Variants in ITGA8 observed in about 807,000 individuals in gnomAD.
ITGA8 encodes integrin subunit alpha 8.
ITGA8 carries 91 observed loss-of-function variants against 142.3 expected under a neutral mutation model. The observed-to-expected ratio is 0.64, with a 90% CI of 0.54 to 0.76. ITGA8 has a LOEUF of 0.76. Among genes scored for constraint, ITGA8 ranks in the 30% least tolerant of loss-of-function variants. The pLI, the probability that ITGA8 is intolerant of heterozygous loss-of-function variation, is 0.00. For synonymous variants in ITGA8, 505 were observed against 485.2 expected (o/e 1.04, Z -0.54); for missense variants, 1,406 against 1,327.7 (o/e 1.06, Z -0.92).
At chr10:15,574,715 T>TA (rs201400361) in intron 24 of ITGA8, among the ~76,000 whole-genome samples, 18,320 of 95,186 alleles carry the variant, frequency 0.19, 1,236 homozygotes, top group Middle Eastern at 0.23. Context: ...ATATATATAT[T>TA]TTTTTTTTAG....
chr10:15,683,907 G>A, intron 4 of ITGA8, 97 bp downstream of exon 4: 5 of 1,438,372 alleles, frequency 3.5e-6, no homozygotes, highest in Non-Finnish European at 4.8e-6. Context: ...TTGCAACCCT[G>A]TAAGTTATCA....
At position 15,693,534 on chromosome 10, in the gene ITGA8, G is replaced by A. The variant is rs367751710; in HGVS notation, c.344-5496C>T. ...CAAGTTCTGGAAATCCTCACCCAAA[G>A]TGCACATGACTAACAAAGAATTACA... On this transcript the variant is annotated intron_variant, in intron 2 of 29. Transcript: ENST00000378076. Among the ~76,000 whole-genome samples, 280 of 152,222 alleles carry A rather than the reference G, an allele frequency of 1.8e-3. 2 individuals are homozygous for A. Among genetic ancestry groups the A allele is most frequent in the African/African-American group, 6.5e-3 (272 of 41,548 alleles).
chr10:15,591,396 T>A (rs995254640), intron 22 of ITGA8, among the ~76,000 whole-genome samples: 1 of 142,944 alleles, frequency 7.0e-6, no homozygotes, highest in Admixed American at 7.3e-5. Flanking sequence ...TTTCATGAGC[T>A]GTATTAATAT....
At chr10:15,566,238 G>A (rs368261014) in intron 25 of ITGA8, among the ~76,000 whole-genome samples, 7 of 152,038 alleles carry the variant, frequency 4.6e-5, no homozygotes, top group African/African-American at 1.7e-4. Flanking sequence ...AGACATTCTC[G>A]GCGGCAACCT....
At chr10:15,642,353 C>T (rs1188598496) in intron 13 of ITGA8, among the ~76,000 whole-genome samples, 1 of 152,108 alleles carries the variant, frequency 6.6e-6, no homozygotes, top group Non-Finnish European at 1.5e-5. Context: ...TCCTCTATTT[C>T]CTTTGCCTCA....
intron 13 of ITGA8, among the ~76,000 whole-genome samples, chr10:15,633,320 A>C (rs1352238808): frequency 6.6e-6 from 1 of 152,218 alleles, no homozygotes; most frequent in Non-Finnish European, 1.5e-5. Context: ...AAAATAAAGA[A>C]GGTATGGTTA....
In ITGA8 at chr10:15,674,578, G is replaced by T. The variant is rs74601204; in HGVS notation, c.677-1829C>A. Among the ~76,000 whole-genome samples the T allele has an allele frequency of 1.1e-4, 17 of 152,250 alleles. No homozygotes were observed. In the South Asian group the frequency reaches 2.7e-3, roughly 24 times the overall value. ...GTTTTTAAATACCAAAATGTTAATT[G>T]TTTGATGTTTATAATTGTATATGCA... On this transcript the variant is annotated intron_variant, in intron 6 of 29. Transcript: ENST00000378076.
rs542128760 is a variant in ITGA8 at position 15,559,885 on chromosome 10, A to G, written c.2638-1683T>C. On this transcript the variant is annotated intron_variant, in intron 25 of 29. Coordinates refer to ENST00000378076, the MANE Select transcript of ITGA8 (RefSeq NM_003638.3). ...ATAGCTAATGCATGTTGGGCTTAATACCTAGGTAATGGGTTGACAGGTGCA... is the reference window on the plus strand; with the variant it reads ...ATAGCTAATGCATGTTGGGCTTAATGCCTAGGTAATGGGTTGACAGGTGCA... Among the ~76,000 whole-genome samples, 10 of 152,184 alleles carry G rather than the reference A, an allele frequency of 6.6e-5. No homozygotes were observed. The South Asian group carries it at 8.3e-4, about 13-fold the overall frequency.
At chr10:15,662,956 G>A (rs569278296) in intron 8 of ITGA8, among the ~76,000 whole-genome samples, 4 of 152,222 alleles carry the variant, frequency 2.6e-5, no homozygotes, top group Non-Finnish European at 4.4e-5. Flanking sequence ...AGTCATGAAC[G>A]TGTATGAAAA....
chr10:15,599,174 A>G (rs1325960752), intron 20 of ITGA8, among the ~76,000 whole-genome samples: 1 of 152,042 alleles, frequency 6.6e-6, no homozygotes, highest in African/African-American at 2.4e-5. Context: ...ACATCACTCA[A>G]AGAGTTTTTT....
rs9333083 is a variant in ITGA8 at position 15,687,292 on chromosome 10, A to G, written c.444+646T>C. Among the ~76,000 whole-genome samples, 980 of 152,022 alleles carry G rather than the reference A, an allele frequency of 6.4e-3. 10 individuals carry two copies. Among genetic ancestry groups the G allele is most frequent in the African/African-American group, 0.023 (942 of 41,322 alleles). ...TTGTTGTAAGGAAATTAAAGCCAAT[A>G]GGTTGAAAAAATCCCCAAACTAAAA... On this transcript the variant is annotated intron_variant, in intron 3 of 29. Coordinates refer to ENST00000378076, the MANE Select transcript of ITGA8 (RefSeq NM_003638.3).
chr10:15,702,313 G>A (rs1433622387), intron 2 of ITGA8, among the ~76,000 whole-genome samples: 1 of 148,476 alleles, frequency 6.7e-6, no homozygotes, highest in Non-Finnish European at 1.5e-5. Flanking sequence ...TTTTTGAGAT[G>A]GAGTTTCATT....
intron 27 of ITGA8, among the ~76,000 whole-genome samples, chr10:15,533,575 C>T (rs532107558): frequency 6.6e-6 from 1 of 152,162 alleles, no homozygotes; most frequent in Non-Finnish European, 1.5e-5. Context: ...CGTTTCCATG[C>T]TCCCAAACCT....
intron 8 of ITGA8, among the ~76,000 whole-genome samples, chr10:15,663,575 C>CT (rs34017814): frequency 0.19 from 27,498 of 147,670 alleles, 2,943 homozygotes; most frequent in Admixed American, 0.3. Flanking sequence ...CAACAAGACT[C>CT]TTTTTTTTTT....
intron 28 of ITGA8, among the ~76,000 whole-genome samples, chr10:15,527,160 A>G (rs1197134407): frequency 2.0e-5 from 3 of 152,214 alleles, no homozygotes; most frequent in Non-Finnish European, 2.9e-5. Context: ...GTACTAGCTG[A>G]GCCCACATTT....
Position 15,531,101 on chromosome 10 carries a change from C to T in ITGA8, c.2931G>A (p.Lys977=). 1 of 1,583,634 alleles carries T rather than the reference C, an allele frequency of 6.3e-7. No homozygotes were observed. The highest frequency in any genetic ancestry group is 8.6e-7 in the Non-Finnish European group (1 of 1,169,004). Residue 977 remains lysine, a synonymous_variant, in exon 28 of 30, where the codon AAG becomes AAA. Coordinates refer to ENST00000378076, the MANE Select transcript of ITGA8 (RefSeq NM_003638.3). ...CTGGCTGATCTGTATAAGGCATCTTCTTAACTTCAAAGGACACCAGGGATG... is the reference window on the plus strand; with the variant it reads ...CTGGCTGATCTGTATAAGGCATCTTTTTAACTTCAAAGGACACCAGGGATG... ...ALASLVSFEV[K]KMPYTDQPAK...
chr10:15,589,345 G>C (rs1018947883), intron 22 of ITGA8, among the ~76,000 whole-genome samples: 5 of 152,184 alleles, frequency 3.3e-5, no homozygotes, highest in African/African-American at 1.2e-4. Context: ...TCTGAGGACA[G>C]TCACCAAGAC....
At chr10:15,685,361 T>C (rs754615194) in intron 3 of ITGA8, among the ~76,000 whole-genome samples, 4 of 152,034 alleles carry the variant, frequency 2.6e-5, no homozygotes, top group Non-Finnish European at 4.4e-5. Flanking sequence ...ACATATAGAG[T>C]GGTAAATTAA....
intron 13 of ITGA8, among the ~76,000 whole-genome samples, chr10:15,627,498 G>T (rs182068725): frequency 2.0e-3 from 311 of 152,264 alleles, no homozygotes; most frequent in Non-Finnish European, 3.4e-3. Flanking sequence ...GCAGGAAAAC[G>T]TCAGTAAGAA....
Sources: gnomAD v4.1 joint callset for allele counts (sites outside exome capture counted in the v4.1 genomes callset) on GRCh38, gnomAD v4.1.1 for gene constraint, MANE v1.5 for transcripts, NCBI Gene and HGNC (gene_info 2026-07-23, HGNC 2026-07-21) for gene names.